Variants in CFAP43 observed in about 807,000 individuals in gnomAD.
CFAP43 encodes the protein cilia- and flagella-associated protein 43.
In CFAP43, 155 loss-of-function variants were observed where a neutral mutation model predicts 218.9. That is an observed-to-expected ratio of 0.71 (90% CI 0.62 to 0.81). CFAP43 has a LOEUF of 0.81. Among genes scored for constraint, CFAP43 ranks in the 30% least tolerant of loss-of-function variants. The probability of loss-of-function intolerance (pLI) is 0.00; values close to 1 mark genes in which losing one functional copy is unlikely to be tolerated. For missense variants in CFAP43, 1,778 were observed against 1,954.3 expected, an observed-to-expected ratio of 0.91 and a Z score of 1.70; for synonymous variants, 645 against 681.3, an observed-to-expected ratio of 0.95 and a Z score of 0.83.
In CFAP43 at chr10:104,212,086, G is replaced by T; in HGVS notation, c.656C>A (p.Pro219Gln). Residue 219 changes from proline to glutamine, a missense_variant, in exon 5 of 38, where the codon CCG becomes CAG. This residue lies in a region of CFAP43 where 1,553 missense variants were observed against 1,685.2 expected (regional missense o/e 0.92). Coordinates refer to ENST00000357060, the MANE Select transcript of CFAP43 (RefSeq NM_025145.7). ...ETDVVFPQSL[P>Q]KDLIYGPVLP... Reference sequence around the variant, plus strand: ...CACGGGACCATAGATGAGATCTTTCGGCAACGACTGGGGGAAAACGACATC... The same window carrying T: ...CACGGGACCATAGATGAGATCTTTCTGCAACGACTGGGGGAAAACGACATC... The T allele has an allele frequency of 6.2e-7, 1 of 1,613,792 alleles. No individual in the cohort carries two copies.
chr10:104,182,857 G>A (rs1301014611), intron 16 of CFAP43, among the ~76,000 whole-genome samples: 1 of 152,000 alleles, frequency 6.6e-6, no homozygotes. Flanking sequence ...GACTACAGGG[G>A]TACACCACCA....
At chr10:104,208,795 A>C (rs1483959400) in intron 5 of CFAP43, among the ~76,000 whole-genome samples, 1 of 152,180 alleles carries the variant, frequency 6.6e-6, no homozygotes, top group Admixed American at 6.5e-5. Flanking sequence ...TGTTTGAAAA[A>C]ATTAAAAAGG....
At chr10:104,142,580 A>T (rs1294051016) in intron 32 of CFAP43, among the ~76,000 whole-genome samples, 187 bp from the exon 33 acceptor site, 2 of 152,228 alleles carry the variant, frequency 1.3e-5, no homozygotes. Context: ...TGAAAGTATC[A>T]AATTTGCTTC....
chr10:104,155,557 A>G (rs1252514005), intron 27 of CFAP43, among the ~76,000 whole-genome samples: 2 of 152,184 alleles, frequency 1.3e-5, no homozygotes, highest in Non-Finnish European at 2.9e-5. Flanking sequence ...GAGGAGAGGC[A>G]CAGGTAAAAA....
intron 3 of CFAP43, among the ~76,000 whole-genome samples, chr10:104,216,782 C>T (rs929763075): frequency 6.6e-5 from 10 of 152,000 alleles, no homozygotes; most frequent in African/African-American, 9.7e-5. Flanking sequence ...CAAGGTAATA[C>T]GCCCTCATAC....
In CFAP43 at chr10:104,195,394, A is replaced by G. The variant is rs548017110; in HGVS notation, c.1294-1380T>C. Reference sequence around the variant, plus strand: ...ACATGTGATTAAATGCACTTGTAAGATCTCTCCTAGTTTACTATTTCTAAT... The same window carrying G: ...ACATGTGATTAAATGCACTTGTAAGGTCTCTCCTAGTTTACTATTTCTAAT... On this transcript the variant is annotated intron_variant, in intron 10 of 37. Coordinates refer to ENST00000357060, the MANE Select transcript of CFAP43 (RefSeq NM_025145.7). Among the ~76,000 whole-genome samples, 3 of 152,316 alleles carry G rather than the reference A, an allele frequency of 2.0e-5. No homozygotes were observed. In the East Asian group the frequency reaches 5.8e-4, roughly 29 times the overall value.
At chr10:104,216,525 C>T (rs1333011530) in intron 3 of CFAP43, among the ~76,000 whole-genome samples, 2 of 152,174 alleles carry the variant, frequency 1.3e-5, no homozygotes, top group Non-Finnish European at 2.9e-5. Flanking sequence ...TGGGGCTTCA[C>T]TGGGGCTCCT....
intron 33 of CFAP43, among the ~76,000 whole-genome samples, chr10:104,142,065 T>C (rs2087732755): frequency 1.3e-5 from 2 of 152,232 alleles, no homozygotes; most frequent in African/African-American, 2.4e-5. Context: ...GAAACTTGCT[T>C]ATTTGTAATA....
chr10:104,165,081 T>C (rs537979267), intron 23 of CFAP43, among the ~76,000 whole-genome samples: 1 of 152,186 alleles, frequency 6.6e-6, no homozygotes, highest in Non-Finnish European at 1.5e-5. Context: ...TGCCAGAGAA[T>C]CACCACCACA....
chr10:104,181,177 T>C (rs1023455458), intron 17 of CFAP43, among the ~76,000 whole-genome samples: 5 of 152,222 alleles, frequency 3.3e-5, no homozygotes, highest in South Asian at 2.1e-4. Flanking sequence ...GTCTGCCCCA[T>C]CTCCATGAAT....
intron 20 of CFAP43, among the ~76,000 whole-genome samples, chr10:104,169,785 G>A (rs1484476880): frequency 6.6e-6 from 1 of 152,014 alleles, no homozygotes; most frequent in African/African-American, 2.4e-5. Flanking sequence ...TGAGTTAATA[G>A]CTAATATAGT....
chr10:104,142,432 A>C, intron 32 of CFAP43, 39 bp from the exon 33 acceptor site: 1 of 1,525,824 alleles, frequency 6.6e-7, no homozygotes, highest in Non-Finnish European at 9.0e-7. Context: ...GAACATATGG[A>C]GCTTCAATTT....
At chr10:104,218,445 A>C (rs1255294259) in intron 3 of CFAP43, among the ~76,000 whole-genome samples, 1 of 151,736 alleles carries the variant, frequency 6.6e-6, no homozygotes, top group Non-Finnish European at 1.5e-5. Context: ...CCAAGGTAAT[A>C]ATGTGTTTGT....
chr10:104,226,163 T>C (rs1052044618), intron 2 of CFAP43, among the ~76,000 whole-genome samples: 1 of 152,056 alleles, frequency 6.6e-6, no homozygotes, highest in Non-Finnish European at 1.5e-5. Flanking sequence ...CAGTACAGAG[T>C]GGTCTGATTT....
intron 8 of CFAP43, among the ~76,000 whole-genome samples, chr10:104,203,113 T>A (rs1354547006): frequency 6.6e-6 from 1 of 152,190 alleles, no homozygotes; most frequent in East Asian, 1.9e-4. Context: ...TATGCCCCAA[T>A]CTCAGTTCTC....
At position 104,133,801 on chromosome 10, in the gene CFAP43, T is replaced by G; in HGVS notation, c.4432-17A>C. 6.3e-7 allele frequency: 1 copy of G among 1,581,060 alleles called. No homozygotes were observed. ...TCCTTGAGTCTTTAAAAAAGTACAT[T>G]AGATATCCATATAATATGATTCTGC... On this transcript the variant is annotated splice_polypyrimidine_tract_variant and intron_variant, in intron 34 of 37. Coordinates refer to ENST00000357060, the MANE Select transcript of CFAP43 (RefSeq NM_025145.7).
intron 3 of CFAP43, among the ~76,000 whole-genome samples, chr10:104,216,968 G>T (rs1448509622): frequency 6.6e-6 from 1 of 152,154 alleles, no homozygotes; most frequent in East Asian, 1.9e-4. Context: ...CCCTTCCATT[G>T]ATATTCCTCA....
chr10:104,151,966 C>T (rs1028168201), intron 28 of CFAP43, among the ~76,000 whole-genome samples: 1 of 152,176 alleles, frequency 6.6e-6, no homozygotes, highest in African/African-American at 2.4e-5. Flanking sequence ...ATTTTTTCCT[C>T]AGAATTTAAG....
At chr10:104,181,361 T>C (rs2089838302) in intron 17 of CFAP43, among the ~76,000 whole-genome samples, 1 of 152,164 alleles carries the variant, frequency 6.6e-6, no homozygotes, top group South Asian at 2.1e-4. Flanking sequence ...CCTCCATCAT[T>C]GCTACCTGAA....
Sources: allele counts gnomAD v4.1 joint callset (sites outside exome capture counted in the v4.1 genomes callset), GRCh38; gene constraint gnomAD v4.1.1; regional missense constraint gnomAD v4.1.1; transcripts MANE v1.5; gene names NCBI Gene and HGNC (gene_info 2026-07-23, HGNC 2026-07-21).